The following ABHD2 variants were observed in gnomAD, a reference collection of about 807,000 sequenced individuals.
The protein encoded by ABHD2 is monoacylglycerol lipase ABHD2.
ABHD2 carries 20 observed loss-of-function variants against 48.1 expected under a neutral mutation model. The observed-to-expected ratio is 0.42, with a 90% CI of 0.29 to 0.60. The LOEUF (loss-of-function observed/expected upper bound fraction) is 0.60. Among genes scored for constraint, ABHD2 ranks in the 20% least tolerant of loss-of-function variants. The pLI is 0.24. For missense variants in ABHD2, 405 were observed against 550.9 expected, an observed-to-expected ratio of 0.74 and a Z score of 2.65; for synonymous variants, 209 against 214.2, an observed-to-expected ratio of 0.98 and a Z score of 0.21.
At chr15:89,062,151 C>A in the ABHD2 span, among the ~76,000 whole-genome samples, 7 of 152,080 alleles carry the variant, frequency 4.6e-5, 1 homozygote, top group South Asian at 2.1e-4. Flanking sequence ...GGAAAGAAAT[C>A]TTTTGAACCT....
chr15:89,162,863 C>G (rs1424690679), intron 5 of ABHD2, among the ~76,000 whole-genome samples: 1 of 152,190 alleles, frequency 6.6e-6, no homozygotes, highest in African/African-American at 2.4e-5. Flanking sequence ...TTTCGCACTC[C>G]CTGCTGTAGT....
Position 89,200,209 on chromosome 15 carries a change from A to G in ABHD2, c.*4786A>G, listed in dbSNP as rs1175492817. 6.6e-6 allele frequency: 1 copy of G among 152,250 alleles called. No homozygotes were observed. The highest frequency in any genetic ancestry group is 2.4e-5 in the African/African-American group (1 of 41,464). The allele number at this position is 152,250 out of a possible 1,614,324, so 9.4% of individuals were successfully genotyped here. A position where few individuals can be genotyped will look rare whatever the true frequency, so the allele number is the denominator to read the frequency against. On this transcript the variant is annotated 3_prime_UTR_variant, in exon 11 of 11. Coordinates refer to ENST00000352732, the MANE Select transcript of ABHD2 (RefSeq NM_152924.5). Reference sequence around the variant, plus strand: ...TAAAAAGTAAATTTTAATGTCGAAAATGCAAACTTGGGGAGGGCAGAAAGA... The same window carrying G: ...TAAAAAGTAAATTTTAATGTCGAAAGTGCAAACTTGGGGAGGGCAGAAAGA...
intron 3 of ABHD2, among the ~76,000 whole-genome samples, chr15:89,138,907 C>G (rs1173242689): frequency 1.3e-5 from 2 of 150,998 alleles, no homozygotes; most frequent in Non-Finnish European, 2.9e-5. Context: ...GACACCATTG[C>G]TCAGAATTGT....
intron 4 of ABHD2, among the ~76,000 whole-genome samples, chr15:89,153,580 C>T (rs2050626363): frequency 1.3e-5 from 2 of 152,180 alleles, no homozygotes; most frequent in African/African-American, 2.4e-5. Context: ...CATGTTTTTC[C>T]ATCACTCCTG....
upstream of ABHD2, among the ~76,000 whole-genome samples, chr15:89,086,837 G>A (rs552064205): frequency 2.0e-5 from 3 of 152,204 alleles, no homozygotes; most frequent in Non-Finnish European, 4.4e-5. Context: ...GAGTCAGGAC[G>A]ATGGGGTTCA....
chr15:89,131,472 T>A (rs1009072310), intron 3 of ABHD2, among the ~76,000 whole-genome samples: 2 of 152,096 alleles, frequency 1.3e-5, no homozygotes, highest in Admixed American at 1.3e-4. Flanking sequence ...AGCAGAGAGG[T>A]GAAGGGGCAG....
intron 6 of ABHD2, among the ~76,000 whole-genome samples, chr15:89,178,421 G>C (rs1183583878): frequency 6.6e-6 from 1 of 152,202 alleles, no homozygotes; most frequent in Non-Finnish European, 1.5e-5. Context: ...TCACACCAAG[G>C]TGGAGCCGGG....
intron 5 of ABHD2, among the ~76,000 whole-genome samples, chr15:89,171,387 C>T (rs2050925125): frequency 6.6e-6 from 1 of 152,160 alleles, no homozygotes; most frequent in East Asian, 1.9e-4. Flanking sequence ...GCTGCTTGCT[C>T]AGGGGCCACA....
rs1330431264 is a variant in ABHD2, at chr15:89,195,764, A to C, written c.*341A>C. The C allele has an allele frequency of 4.2e-6, 1 of 237,834 alleles. No homozygotes were observed. Among genetic ancestry groups the C allele is most frequent in the Non-Finnish European group, 8.2e-6 (1 of 121,286 alleles). 14.7% of individuals were successfully genotyped at this position (237,834 alleles called of 1,614,324 possible). The stretch of plus-strand genomic sequence containing the variant: ...GTCTGAATAGCGATTTTGCTTTGCC[A>C]CCAAAAGGCTTTTCCCTGAGAACAG... On this transcript the variant is annotated 3_prime_UTR_variant, in exon 11 of 11. Transcript: ENST00000352732. The surrounding 1 kb of genome is among the most constrained non-coding windows in gnomAD (Gnocchi z 5.1).
Position 89,195,434 on chromosome 15 carries a change from C to T in ABHD2, c.*11C>T, listed in dbSNP as rs770969637. The T allele has an allele frequency of 6.2e-7, 1 of 1,611,202 alleles. No homozygotes were observed. Among genetic ancestry groups the T allele is most frequent in the South Asian group, 1.1e-5 (1 of 90,916 alleles). ...GCCGACCTGGAGTGAGGCCTCCGGA[C>T]TCTGGCACGCTCCAGCAGCCCTCCT... On this transcript the variant is annotated 3_prime_UTR_variant, in exon 11 of 11. Coordinates refer to ENST00000352732, the MANE Select transcript of ABHD2 (RefSeq NM_152924.5). The surrounding 1 kb of genome is among the most constrained non-coding windows in gnomAD (Gnocchi z 5.1).
At chr15:89,096,023 T>A (rs2049608062) in intron 1 of ABHD2, among the ~76,000 whole-genome samples, 1 of 152,194 alleles carries the variant, frequency 6.6e-6, no homozygotes. Flanking sequence ...GAGAGCATCA[T>A]GTGAAGTCAA....
intron 3 of ABHD2, among the ~76,000 whole-genome samples, chr15:89,118,420 C>T (rs2049996229): frequency 6.6e-6 from 1 of 152,148 alleles, no homozygotes; most frequent in African/African-American, 2.4e-5. Flanking sequence ...CTCAGGTAAT[C>T]TGCCAGCCTC....
intron 3 of ABHD2, among the ~76,000 whole-genome samples, chr15:89,117,409 C>T (rs549877186): frequency 1.1e-3 from 164 of 152,350 alleles, no homozygotes; most frequent in Non-Finnish European, 2.2e-3. Flanking sequence ...GGAATCTGCA[C>T]TCTGTGTCAC....
intron 1 of ABHD2, among the ~76,000 whole-genome samples, chr15:89,105,171 C>G (rs1243033313): frequency 2.0e-5 from 3 of 152,208 alleles, no homozygotes; most frequent in Non-Finnish European, 4.4e-5. Flanking sequence ...CAGTACTATT[C>G]TTTCAGCAGG....
At chr15:89,183,845 A>G (rs1384595024) in intron 6 of ABHD2, among the ~76,000 whole-genome samples, 2 of 152,154 alleles carry the variant, frequency 1.3e-5, no homozygotes, top group African/African-American at 4.8e-5. Flanking sequence ...GGGTAAGAGA[A>G]AGCTGGGATT....
chr15:89,086,133 T>A, upstream of ABHD2, among the ~76,000 whole-genome samples: 1 of 151,852 alleles, frequency 6.6e-6, no homozygotes, highest in Non-Finnish European at 1.5e-5. Flanking sequence ...GTTCAAACGA[T>A]TATCCTGCCT....
intron 1 of ABHD2, among the ~76,000 whole-genome samples, chr15:89,089,545 G>A (rs1901508590): frequency 6.6e-6 from 1 of 152,106 alleles, no homozygotes; most frequent in South Asian, 2.1e-4. Context: ...TTGGTTGCTG[G>A]ACCTCCAGTT....
At chr15:89,162,895 C>T (rs974085267) in intron 5 of ABHD2, among the ~76,000 whole-genome samples, 2 of 152,212 alleles carry the variant, frequency 1.3e-5, no homozygotes, top group African/African-American at 4.8e-5. Context: ...TAGAATCCTG[C>T]TTGGACCCTA....
intron 3 of ABHD2, among the ~76,000 whole-genome samples, chr15:89,144,991 T>C (rs1489462928): frequency 2.0e-5 from 3 of 152,196 alleles, no homozygotes; most frequent in African/African-American, 7.2e-5. Flanking sequence ...GCACAGTGGC[T>C]CACACCTGTA....
Sources: allele counts gnomAD v4.1 joint callset (sites outside exome capture counted in the v4.1 genomes callset), GRCh38; gene constraint gnomAD v4.1.1; non-coding constraint Gnocchi (gnomAD v3.1); transcripts MANE v1.5; gene names NCBI Gene and HGNC (gene_info 2026-07-23, HGNC 2026-07-21).